The following SPAG9 variants were observed in gnomAD, a reference collection of about 807,000 sequenced individuals.
SPAG9 encodes C-Jun-amino-terminal kinase-interacting protein 4.
Under a neutral mutation model 166.5 loss-of-function variants are expected in SPAG9, and 35 were observed. That is an observed-to-expected ratio of 0.21 (90% confidence interval 0.16 to 0.28). The LOEUF is 0.28. SPAG9 is among the 10% of genes least tolerant of loss of function. The pLI, the probability that SPAG9 is intolerant of heterozygous loss-of-function variation, is 1.00. For missense variants in SPAG9, 1,235 were observed against 1,603.3 expected (o/e 0.77, Z 3.92); for synonymous variants, 534 against 565.5 (o/e 0.94, Z 0.79).
chr17:50,968,849 A>G (rs888699559), intron 29 of SPAG9, among the ~76,000 whole-genome samples: 3 of 152,294 alleles, frequency 2.0e-5, no homozygotes, highest in African/African-American at 7.2e-5. Context: ...CTCTCTGGCC[A>G]TTCCTTCTCA....
chr17:51,104,790 G>A lies in SPAG9; in HGVS notation c.303+15564C>T, dbSNP rs573148788. On this transcript the variant is annotated intron_variant, in intron 1 of 29. Coordinates refer to ENST00000262013, the MANE Select transcript of SPAG9 (RefSeq NM_001130528.3). ...CTACTAAAAATACAAAAAATTAGCCGGGCGTGGTAGCGGGCGCCTGTAGTC... is the reference window on the plus strand; with the variant it reads ...CTACTAAAAATACAAAAAATTAGCCAGGCGTGGTAGCGGGCGCCTGTAGTC... Among the ~76,000 whole-genome samples the A allele has an allele frequency of 2.6e-3, 390 of 151,586 alleles. 3 individuals carry two copies. The highest frequency in any genetic ancestry group is 8.4e-3 in the African/African-American group (347 of 41,308).
rs535306273 is a variant in SPAG9 at position 51,005,932 on chromosome 17, G to A, written c.1424+153C>T. Among the ~76,000 whole-genome samples the A allele has an allele frequency of 8.9e-4, 136 of 152,380 alleles. 1 individual carries two copies. Among genetic ancestry groups the A allele is most frequent in the Middle Eastern group, 3.4e-3 (1 of 294 alleles). Reference sequence around the variant, plus strand: ...ACTGGAGGGGCCTGCTCACAGCAGAGGCAATGGGCTGGGGCACTTTGCCCT... The same window carrying A: ...ACTGGAGGGGCCTGCTCACAGCAGAAGCAATGGGCTGGGGCACTTTGCCCT... On this transcript the variant is annotated intron_variant, in intron 11 of 29. Coordinates refer to ENST00000262013, the MANE Select transcript of SPAG9 (RefSeq NM_001130528.3).
At chr17:51,001,917 C>T (rs766880772) in intron 12 of SPAG9, 72 bp from the exon 13 acceptor site, 26 of 1,394,098 alleles carry the variant, frequency 1.9e-5, no homozygotes, top group Admixed American at 1.2e-4. Context: ...CAGAGTTATG[C>T]AAAATCTTTC....
At chr17:50,981,963 A>C (rs941316484) in intron 25 of SPAG9, among the ~76,000 whole-genome samples, 1 of 151,640 alleles carries the variant, frequency 6.6e-6, no homozygotes, top group African/African-American at 2.4e-5. Flanking sequence ...AACCTGGGAG[A>C]CGAAAGTTGC....
chr17:51,030,685 C>T lies in SPAG9; in HGVS notation c.783+996G>A, dbSNP rs564976406. The stretch of plus-strand genomic sequence containing the variant: ...CTAGATACTCACATTTAGGTAAAAT[C>T]CATCTAAGTGTAAACAGAATGGTAG... On this transcript the variant is annotated intron_variant, in intron 6 of 29. Coordinates refer to ENST00000262013, the MANE Select transcript of SPAG9 (RefSeq NM_001130528.3). Among the ~76,000 whole-genome samples the T allele has an allele frequency of 1.1e-4, 16 of 152,168 alleles. No individual in the cohort carries two copies. In the South Asian group the frequency reaches 2.1e-3, roughly 20 times the overall value.
chr17:51,039,973 G>A (rs1457260012), intron 5 of SPAG9, among the ~76,000 whole-genome samples: 1 of 152,104 alleles, frequency 6.6e-6, no homozygotes, highest in Non-Finnish European at 1.5e-5. Flanking sequence ...AGTGGCTCAC[G>A]CCTGTAATTC....
chr17:50,971,675 T>C (rs1419067260), intron 28 of SPAG9, among the ~76,000 whole-genome samples: 1 of 151,954 alleles, frequency 6.6e-6, no homozygotes, highest in East Asian at 1.9e-4. Context: ...TTAGCCAGGA[T>C]GGTCTCAATC....
chr17:51,020,108 G>A (rs1048114652), intron 8 of SPAG9, 51 bp downstream of exon 8: 3 of 1,051,722 alleles, frequency 2.9e-6, no homozygotes, highest in South Asian at 1.3e-5. Context: ...GTGTTTATGG[G>A]AGTTGGGGGT....
intron 25 of SPAG9, among the ~76,000 whole-genome samples, chr17:50,981,150 ATGATACCATAAGTCACGC>A (rs66858517): frequency 0.23 from 35,298 of 152,182 alleles, 4,883 homozygotes; most frequent in Non-Finnish European, 0.31. Flanking sequence ...AAGTGCCGAT[ATGATACCATAAGTCACGC>A]TGAACACAGT....
intron 6 of SPAG9, among the ~76,000 whole-genome samples, chr17:51,024,915 A>C (rs1366391893): frequency 6.6e-6 from 1 of 151,752 alleles, no homozygotes; most frequent in East Asian, 1.9e-4. Context: ...AAAATAAAAA[A>C]GGCTGAGGCA....
At chr17:51,025,226 G>A (rs1404938200) in intron 6 of SPAG9, among the ~76,000 whole-genome samples, 1 of 143,354 alleles carries the variant, frequency 7.0e-6, no homozygotes, top group Non-Finnish European at 1.5e-5. Context: ...GGCTGAGGCA[G>A]AGGAATCATT....
intron 2 of SPAG9, among the ~76,000 whole-genome samples, chr17:51,070,620 C>T (rs1034788837): frequency 6.6e-6 from 1 of 151,934 alleles, no homozygotes; most frequent in Non-Finnish European, 1.5e-5. Flanking sequence ...CCTGATTCAC[C>T]TCTTCATTCC....
At chr17:50,996,774 T>TA (rs2044701404) in intron 15 of SPAG9, 80 bp from the exon 16 acceptor site, 5 of 1,422,738 alleles carry the variant, frequency 3.5e-6, no homozygotes, top group Admixed American at 4.2e-5. Context: ...CCTCTGTCAC[T>TA]AAAACAGCAA....
chr17:51,081,354 G>A (rs34737224), intron 1 of SPAG9, among the ~76,000 whole-genome samples: 36,265 of 152,054 alleles, frequency 0.24, 5,168 homozygotes, highest in Admixed American at 0.34. Flanking sequence ...AGGAGGCTGA[G>A]GCAGGAGAAT....
chr17:51,007,107 T>C (rs1265417567), intron 10 of SPAG9, among the ~76,000 whole-genome samples, 162 bp downstream of exon 10: 2 of 144,364 alleles, frequency 1.4e-5, no homozygotes, highest in Admixed American at 1.4e-4. Flanking sequence ...GTCCCAACAT[T>C]AGGGTGTGTG....
At chr17:50,989,583 AT>A in intron 21 of SPAG9, 93 bp downstream of exon 21, 1 of 946,120 alleles carries the variant, frequency 1.1e-6, no homozygotes, top group Non-Finnish European at 1.7e-6. Flanking sequence ...AGTGACACTA[AT>A]TAGTGGAAAT....
intron 5 of SPAG9, among the ~76,000 whole-genome samples, chr17:51,037,386 G>A (rs902775691): frequency 1.6e-4 from 25 of 152,118 alleles, no homozygotes; most frequent in African/African-American, 6.0e-4. Flanking sequence ...GACTTTGGGA[G>A]GCTGAGGCAG....
At chr17:51,070,785 C>T (rs2047800603) in intron 2 of SPAG9, among the ~76,000 whole-genome samples, 1 of 152,062 alleles carries the variant, frequency 6.6e-6, no homozygotes, top group Non-Finnish European at 1.5e-5. Context: ...TGTTTCTGGG[C>T]TGCCATGGTA....
intron 1 of SPAG9, among the ~76,000 whole-genome samples, chr17:51,112,451 T>C (rs1248783480): frequency 6.7e-6 from 1 of 150,352 alleles, no homozygotes; most frequent in Non-Finnish European, 1.5e-5. Flanking sequence ...GGCAGGCAGA[T>C]GACTTGAGGT....
Sources: gnomAD v4.1 joint callset for allele counts (sites outside exome capture counted in the v4.1 genomes callset) on GRCh38, gnomAD v4.1.1 for gene constraint, MANE v1.5 for transcripts, NCBI Gene and HGNC (gene_info 2026-07-23, HGNC 2026-07-21) for gene names.